PPP3CB: variants seen among roughly 807,000 people sequenced by gnomAD.
PPP3CB encodes the protein protein phosphatase 3 catalytic subunit beta, also known as serine/threonine-protein phosphatase 2B catalytic subunit beta isoform.
PPP3CB carries 8 observed loss-of-function variants against 66.4 expected under a neutral mutation model. The observed-to-expected ratio is 0.12, with a 90% CI of 0.07 to 0.22. The LOEUF is 0.22. PPP3CB is among the 10% of genes least tolerant of loss of function. The pLI is 1.00. For synonymous variants in PPP3CB, 208 were observed against 221.2 expected (o/e 0.94, Z 0.53); for missense variants, 319 against 642.5 (o/e 0.50, Z 5.44).
chr10:73,445,897 C>T (rs911404540), intron 11 of PPP3CB, among the ~76,000 whole-genome samples: 2 of 151,746 alleles, frequency 1.3e-5, no homozygotes, highest in African/African-American at 2.4e-5. Context: ...TACAGGCATG[C>T]ACCACCACAT....
In PPP3CB at chr10:73,437,744, A is replaced by G. The variant is rs900464638; in HGVS notation, c.*498T>C. The stretch of plus-strand genomic sequence containing the variant: ...AGGTCAACATTTTGTATAAATGCCA[A>G]CTGGGTTTCTCGGCATTTTGCTCAC... On this transcript the variant is annotated 3_prime_UTR_variant, in exon 14 of 14. Coordinates refer to ENST00000360663, the MANE Select transcript of PPP3CB (RefSeq NM_021132.4). 1.3e-5 allele frequency: 2 copies of G among 152,856 alleles called. No homozygotes were observed. Among genetic ancestry groups the G allele is most frequent in the African/African-American group, 4.8e-5 (2 of 41,482 alleles). 9.5% of individuals were successfully genotyped at this position (152,856 alleles called of 1,614,324 possible). A position where few individuals can be genotyped will look rare whatever the true frequency, so the allele number is the denominator to read the frequency against.
In PPP3CB at chr10:73,437,221, C is replaced by T. The variant is rs965609559; in HGVS notation, c.*1021G>A. The T allele has an allele frequency of 6.6e-6, 1 of 152,628 alleles. No individual in the cohort carries two copies. Among genetic ancestry groups the T allele is most frequent in the African/African-American group, 2.4e-5 (1 of 41,454 alleles). The allele number at this position is 152,628 out of a possible 1,614,324, so 9.5% of individuals were successfully genotyped here. ...TGCTTAATCAAAAACACTTCCAGAACATTTTAAAATTTCCTTTGCATTAAA... is the reference window on the plus strand; with the variant it reads ...TGCTTAATCAAAAACACTTCCAGAATATTTTAAAATTTCCTTTGCATTAAA... On this transcript the variant is annotated 3_prime_UTR_variant, in exon 14 of 14. Coordinates refer to ENST00000360663, the MANE Select transcript of PPP3CB (RefSeq NM_021132.4).
chr10:73,438,505 A>C, intron 13 of PPP3CB, 85 bp from the exon 14 acceptor site: 2 of 1,258,028 alleles, frequency 1.6e-6, no homozygotes, highest in Admixed American at 1.9e-5. Context: ...TTTAAGAAGA[A>C]AGAAATTAGT....
chr10:73,484,561 T>C (rs939520155), intron 1 of PPP3CB, among the ~76,000 whole-genome samples: 4 of 151,652 alleles, frequency 2.6e-5, no homozygotes, highest in Admixed American at 2.0e-4. Context: ...GTGGAGCCAC[T>C]GCGCAAGGCC....
At chr10:73,472,049 G>A (rs1248122888) in intron 4 of PPP3CB, among the ~76,000 whole-genome samples, 1 of 152,032 alleles carries the variant, frequency 6.6e-6, no homozygotes, top group Admixed American at 6.6e-5. Context: ...ACAAAAATAT[G>A]CAAAGTTATC....
At chr10:73,447,991 TCTC>T (rs1472209441) in intron 10 of PPP3CB, among the ~76,000 whole-genome samples, 4 of 152,020 alleles carry the variant, frequency 2.6e-5, no homozygotes, top group South Asian at 4.1e-4. Context: ...TAAAGTGCAA[TCTC>T]CTCATTTTAT....
intron 1 of PPP3CB, among the ~76,000 whole-genome samples, chr10:73,488,427 G>A (rs1453782593): frequency 6.6e-6 from 1 of 151,870 alleles, no homozygotes; most frequent in Non-Finnish European, 1.5e-5. Flanking sequence ...TGTGCCTGTA[G>A]TCCCAGCTAC....
chr10:73,489,838 T>C (rs1049460845), intron 1 of PPP3CB, among the ~76,000 whole-genome samples: 1 of 152,210 alleles, frequency 6.6e-6, no homozygotes, highest in African/African-American at 2.4e-5. Context: ...ACTCCATGCC[T>C]TTCTGCTTCT....
At chr10:73,481,165 CTTT>C (rs1042746700) in intron 1 of PPP3CB, among the ~76,000 whole-genome samples, 1 of 129,018 alleles carries the variant, frequency 7.8e-6, no homozygotes, top group Non-Finnish European at 1.7e-5. Flanking sequence ...ATTTTTTTTT[CTTT>C]TTTTTTTTTT....
intron 10 of PPP3CB, among the ~76,000 whole-genome samples, chr10:73,450,665 C>CA (rs1162841213): frequency 6.6e-6 from 1 of 152,208 alleles, no homozygotes; most frequent in Non-Finnish European, 1.5e-5. Context: ...AGCTGGAACT[C>CA]AGTGTATTTT....
intron 1 of PPP3CB, among the ~76,000 whole-genome samples, chr10:73,481,470 AATAT>A (rs143321409): frequency 6.8e-6 from 1 of 146,946 alleles, no homozygotes; most frequent in Admixed American, 6.9e-5. Flanking sequence ...GACTCCATCA[AATAT>A]ATATATATAT....
At chr10:73,454,911 T>C (rs951268484) in intron 9 of PPP3CB, among the ~76,000 whole-genome samples, 3 of 151,916 alleles carry the variant, frequency 2.0e-5, no homozygotes, top group South Asian at 4.2e-4. Context: ...CTTGCTCTGT[T>C]GCCCAGGCTG....
intron 1 of PPP3CB, among the ~76,000 whole-genome samples, chr10:73,485,723 C>T (rs986990581): frequency 6.6e-6 from 1 of 152,092 alleles, no homozygotes; most frequent in African/African-American, 2.4e-5. Context: ...ATCTATCCCA[C>T]AAACCCTACA....
At chr10:73,473,151 C>G (rs1281111142) in intron 4 of PPP3CB, among the ~76,000 whole-genome samples, 4 of 152,126 alleles carry the variant, frequency 2.6e-5, no homozygotes, top group Non-Finnish European at 5.9e-5. Context: ...CAGGTCTTAT[C>G]TTACTCATTT....
intron 9 of PPP3CB, among the ~76,000 whole-genome samples, chr10:73,466,610 T>C (rs551947210): frequency 2.0e-5 from 3 of 152,348 alleles, no homozygotes; most frequent in East Asian, 1.9e-4. Flanking sequence ...CGTATTAACA[T>C]TGGACCTACT....
intron 9 of PPP3CB, among the ~76,000 whole-genome samples, chr10:73,465,244 GT>G (rs1400656801): frequency 6.6e-6 from 1 of 152,068 alleles, no homozygotes; most frequent in Admixed American, 6.5e-5. Context: ...TAGAGACAGG[GT>G]TTTGCTATAT....
chr10:73,439,884 C>T lies in PPP3CB; in HGVS notation c.1384G>A (p.Glu462Lys). 1.9e-6 allele frequency: 3 copies of T among 1,613,578 alleles called. No individual in the cohort carries two copies. Among genetic ancestry groups the T allele is most frequent in the East Asian group, 2.2e-5 (1 of 44,866 alleles). Residue 462 changes from glutamate (E) to lysine (K), a missense_variant, in exon 13 of 14, where the codon GAG becomes AAG. Coordinates refer to ENST00000360663, the MANE Select transcript of PPP3CB (RefSeq NM_021132.4). ...TLQSATVEAIEAEKAIRGFSP... is the reference protein window; with the variant it reads ...TLQSATVEAIKAEKAIRGFSP... The stretch of plus-strand genomic sequence containing the variant: ...ACTCTGATCATACCTTTTTCAGCCT[C>T]AATAGCCTCAACTGTGGCTGTACAG...
intron 9 of PPP3CB, among the ~76,000 whole-genome samples, chr10:73,457,137 T>A (rs1372783367): frequency 6.6e-6 from 1 of 151,136 alleles, no homozygotes; most frequent in African/African-American, 2.4e-5. Context: ...ACAAAAAAAA[T>A]CAGGCATGGA....
At chr10:73,471,752 G>A (rs1012557168) in intron 4 of PPP3CB, 139 bp from the exon 5 acceptor site, 5 of 690,712 alleles carry the variant, frequency 7.2e-6, no homozygotes, top group Admixed American at 3.4e-5. Flanking sequence ...AATTGAGATA[G>A]TTACAGTTTC....
Sources: allele counts gnomAD v4.1 joint callset (sites outside exome capture counted in the v4.1 genomes callset), GRCh38; gene constraint gnomAD v4.1.1; transcripts MANE v1.5; gene names NCBI Gene and HGNC (gene_info 2026-07-23, HGNC 2026-07-21).